The following TAFA1 variants were observed in gnomAD, a reference collection of about 807,000 sequenced individuals.
TAFA1 encodes chemokine-like protein TAFA-1.
TAFA1 carries 4 observed loss-of-function variants against 18.5 expected under a neutral mutation model. That is an observed-to-expected ratio of 0.22 (90% confidence interval 0.11 to 0.49). The LOEUF is 0.49. Ranked by LOEUF, TAFA1 falls within the 20% of genes least tolerant of loss-of-function variation. TAFA1 has a pLI of 0.98. For missense variants in TAFA1, 147 were observed against 169.0 expected (o/e 0.87, Z 0.72); for synonymous variants, 56 against 55.2 (o/e 1.01, Z -0.06).
intron 3 of TAFA1, among the ~76,000 whole-genome samples, chr3:68,492,713 G>A (rs1025634206): frequency 3.3e-5 from 5 of 152,042 alleles, no homozygotes; most frequent in Admixed American, 2.6e-4. Flanking sequence ...AATAAGCAAG[G>A]TTTTGTAGTT....
rs114457765 is a variant in TAFA1, at chr3:68,153,898, G to A, written c.118+147154G>A. Among the ~76,000 whole-genome samples the A allele has an allele frequency of 1.7e-3, 257 of 152,228 alleles. 2 individuals carry two copies. Among genetic ancestry groups the A allele is most frequent in the African/African-American group, 5.4e-3 (224 of 41,552 alleles). On this transcript the variant is annotated intron_variant, in intron 2 of 4. Coordinates refer to ENST00000478136, the MANE Select transcript of TAFA1 (RefSeq NM_213609.4). ...AAGAAAGCTATCCACAAACTTAAGT[G>A]TGAGTTTCCTTATATTCTGTTCCCC...
At chr3:68,469,445 C>A (rs562885403) in intron 3 of TAFA1, among the ~76,000 whole-genome samples, 1 of 152,186 alleles carries the variant, frequency 6.6e-6, no homozygotes, top group African/African-American at 2.4e-5. Flanking sequence ...GAGGCCAAAG[C>A]GGGTGGATCA....
At chr3:68,408,593 T>C (rs1271537607) in intron 2 of TAFA1, among the ~76,000 whole-genome samples, 2 of 152,218 alleles carry the variant, frequency 1.3e-5, no homozygotes, top group Non-Finnish European at 2.9e-5. Context: ...TCTTTCCCTT[T>C]ACATTCCACA....
At chr3:68,026,375 C>T (rs557719088) in intron 2 of TAFA1, among the ~76,000 whole-genome samples, 2 of 151,674 alleles carry the variant, frequency 1.3e-5, no homozygotes, top group Non-Finnish European at 2.9e-5. Flanking sequence ...TTCTCCCAAT[C>T]GCCTAACAGA....
At chr3:68,281,197 G>A (rs1281322434) in intron 2 of TAFA1, among the ~76,000 whole-genome samples, 1 of 152,044 alleles carries the variant, frequency 6.6e-6, no homozygotes, top group Non-Finnish European at 1.5e-5. Context: ...TCTTTTAACT[G>A]AGGTTTTATA....
chr3:68,080,877 A>G (rs2064889355), intron 2 of TAFA1, among the ~76,000 whole-genome samples: 1 of 152,074 alleles, frequency 6.6e-6, no homozygotes, highest in South Asian at 2.1e-4. Context: ...TAGATTGGGG[A>G]AGTTCTCCTG....
intron 2 of TAFA1, among the ~76,000 whole-genome samples, chr3:68,036,606 C>T (rs1023074640): frequency 2.0e-5 from 3 of 152,122 alleles, no homozygotes; most frequent in Non-Finnish European, 2.9e-5. Context: ...CTCTCTGAGC[C>T]CACCAATTCC....
At chr3:68,365,787 C>T (rs996455363) in intron 2 of TAFA1, among the ~76,000 whole-genome samples, 3 of 152,090 alleles carry the variant, frequency 2.0e-5, no homozygotes, top group Admixed American at 6.5e-5. Flanking sequence ...GGGGTTTCCC[C>T]TTATAAAACC....
intron 3 of TAFA1, among the ~76,000 whole-genome samples, chr3:68,433,048 G>C (rs1306542035): frequency 6.6e-6 from 1 of 151,960 alleles, no homozygotes; most frequent in Non-Finnish European, 1.5e-5. Context: ...TGTTCATGTA[G>C]TTATTAGACA....
intron 2 of TAFA1, among the ~76,000 whole-genome samples, chr3:68,064,673 C>T (rs2064650760): frequency 1.3e-5 from 2 of 151,896 alleles, no homozygotes; most frequent in African/African-American, 2.4e-5. Context: ...CATCACTTGT[C>T]CAAGAAAGCT....
At chr3:68,179,041 G>T (rs2066163118) in intron 2 of TAFA1, among the ~76,000 whole-genome samples, 1 of 152,184 alleles carries the variant, frequency 6.6e-6, no homozygotes, top group African/African-American at 2.4e-5. Flanking sequence ...AGGAGAGAAG[G>T]TGGTGCTAAG....
chr3:68,363,821 G>A (rs1201436676), intron 2 of TAFA1, among the ~76,000 whole-genome samples: 3 of 151,992 alleles, frequency 2.0e-5, no homozygotes, highest in African/African-American at 7.2e-5. Flanking sequence ...TTTTCTTTAT[G>A]AGTACGCAAA....
At chr3:68,424,347 G>T (rs1158867372) in intron 3 of TAFA1, among the ~76,000 whole-genome samples, 1 of 151,992 alleles carries the variant, frequency 6.6e-6, no homozygotes, top group South Asian at 2.1e-4. Context: ...GGTAGTAAAA[G>T]AGAGTAGTTA....
At chr3:68,320,992 T>C (rs551623651) in intron 2 of TAFA1, among the ~76,000 whole-genome samples, 164 of 152,268 alleles carry the variant, frequency 1.1e-3, no homozygotes, top group African/African-American at 3.7e-3. Flanking sequence ...TTTCCACTTT[T>C]CATATACATT....
At chr3:68,032,406 T>C (rs1016023892) in intron 2 of TAFA1, among the ~76,000 whole-genome samples, 1 of 152,160 alleles carries the variant, frequency 6.6e-6, no homozygotes, top group Non-Finnish European at 1.5e-5. Flanking sequence ...CATCCAGCCC[T>C]CACCCAGAGC....
intron 2 of TAFA1, among the ~76,000 whole-genome samples, chr3:68,253,451 A>G (rs2067234653): frequency 6.6e-6 from 1 of 152,234 alleles, no homozygotes; most frequent in South Asian, 2.1e-4. Flanking sequence ...TTGTGAAACC[A>G]TCACTGGCCA....
At chr3:68,011,450 A>T (rs1470567685) in intron 2 of TAFA1, among the ~76,000 whole-genome samples, 1 of 152,336 alleles carries the variant, frequency 6.6e-6, no homozygotes, top group East Asian at 1.9e-4. Context: ...TGATTATTAC[A>T]TACTGAACAT....
chr3:68,397,408 G>C (rs1396521064), intron 2 of TAFA1, among the ~76,000 whole-genome samples: 1 of 152,120 alleles, frequency 6.6e-6, no homozygotes, highest in Non-Finnish European at 1.5e-5. Flanking sequence ...GAGAACATGT[G>C]GTGTTTGGTT....
At chr3:68,333,521 A>G (rs564017100) in intron 2 of TAFA1, among the ~76,000 whole-genome samples, 1 of 152,154 alleles carries the variant, frequency 6.6e-6, no homozygotes, top group Non-Finnish European at 1.5e-5. Context: ...ATTGGGTACT[A>G]TGCTTACTAC....
Sources: gnomAD v4.1 joint callset for allele counts (sites outside exome capture counted in the v4.1 genomes callset) on GRCh38, gnomAD v4.1.1 for gene constraint, MANE v1.5 for transcripts, NCBI Gene and HGNC (gene_info 2026-07-23, HGNC 2026-07-21) for gene names.